The following LAMA5 variants were observed in gnomAD, a reference collection of about 807,000 sequenced individuals.
LAMA5 encodes the protein laminin subunit alpha 5, also known as laminin subunit alpha-5.
A neutral mutation model predicts 433.4 loss-of-function variants in LAMA5; 260 were observed. The ratio of observed to expected loss-of-function variants is 0.60; its 90% CI spans 0.54 to 0.66. The LOEUF (loss-of-function observed/expected upper bound fraction) is 0.66. LAMA5 is among the 30% of genes least tolerant of loss of function. The probability of loss-of-function intolerance (pLI) is 0.00; values close to 1 mark genes in which losing one functional copy is unlikely to be tolerated. For synonymous variants in LAMA5, 2,620 were observed against 2,226.6 expected, an observed-to-expected ratio of 1.18 and a Z score of -4.97; for missense variants, 5,378 against 5,258.5, an observed-to-expected ratio of 1.02 and a Z score of -0.70.
chr20:62,325,301 C>T lies in LAMA5; in HGVS notation c.5529+15G>A, dbSNP rs766110392. On this transcript the variant is annotated intron_variant, in intron 41 of 79. Coordinates refer to ENST00000252999, the MANE Select transcript of LAMA5 (RefSeq NM_005560.6). ...AGGTGAGCCGCCTCGCAGTCTGGTG[C>T]TGTCCTAACCTCACCTGGCATGAGT... 2 of 1,534,594 alleles carry T rather than the reference C, an allele frequency of 1.3e-6. No individual in the cohort carries two copies. The highest frequency in any genetic ancestry group is 1.8e-6 in the Non-Finnish European group (2 of 1,131,422).
At position 62,333,092 on chromosome 20, in the gene LAMA5, C is replaced by T. The variant is rs1200856882; in HGVS notation, c.3280G>A (p.Asp1094Asn). ...CCGTGGGGTCCCAGGACACGCACAT[C>T]ACTGCCCGTGCAGGTGATCAGTGGC... ...HPPLITCTGSDVDVQLQVAVP... is the reference protein window; with the variant it reads ...HPPLITCTGSNVDVQLQVAVP... Residue 1094 changes from aspartate to asparagine, a missense_variant and splice_region_variant, in exon 26 of 80, where the codon GAT becomes AAT. Coordinates refer to ENST00000252999, the MANE Select transcript of LAMA5 (RefSeq NM_005560.6). 2.7e-6 allele frequency: 4 copies of T among 1,503,700 alleles called. No homozygotes were observed. The highest frequency in any genetic ancestry group is 2.4e-4 in the Middle Eastern group (1 of 4,122). The allele number at this position is 1,503,700 out of a possible 1,614,324, so 93.1% of individuals were successfully genotyped here.
At position 62,313,260 on chromosome 20, in the gene LAMA5, G is replaced by T; in HGVS notation, c.8793-10C>A. ...CCCGGTCGACTTGGAGCTGCAGGTC[G>T]GAGATTCTGGGGTCAGCGGAGGGTG... On this transcript the variant is annotated splice_polypyrimidine_tract_variant and intron_variant, in intron 64 of 79. Transcript: ENST00000252999. The T allele has an allele frequency of 7.5e-7, 1 of 1,326,002 alleles. No individual in the cohort carries two copies. Among genetic ancestry groups the T allele is most frequent in the Non-Finnish European group, 9.9e-7 (1 of 1,006,644 alleles). 82.1% of individuals were successfully genotyped at this position (1,326,002 alleles called of 1,614,324 possible). A position where few individuals can be genotyped will look rare whatever the true frequency, so the allele number is the denominator to read the frequency against.
chr20:62,359,183 G>GTCCTCACTCCTCATCTGAGGGAGGCT lies in LAMA5; in HGVS notation c.450+3216_450+3217insAGCCTCCCTCAGATGAGGAGTGAGGA, dbSNP rs1985670703. Among the ~76,000 whole-genome samples, 2 of 152,108 alleles carry GTCCTCACTCCTCATCTGAGGGAGGCT rather than the reference G, an allele frequency of 1.3e-5. No homozygotes were observed. The highest frequency in any genetic ancestry group is 4.8e-5 in the African/African-American group (2 of 41,424). Reference sequence around the variant, plus strand: ...CTCCCTACCGGAAGGGGGCCCGTGCGTCCTCACTCCTCATCTGAGGGAGGC... The same window carrying GTCCTCACTCCTCATCTGAGGGAGGCT: ...CTCCCTACCGGAAGGGGGCCCGTGCGTCCTCACTCCTCATCTGAGGGAGGCTTCCTCACTCCTCATCTGAGGGAGGC... On this transcript the variant is annotated intron_variant, in intron 2 of 79. Transcript: ENST00000252999. This position sits in a 1 kb window ranked among gnomAD's most constrained non-coding sequence, Gnocchi z 4.3.
chr20:62,343,935 G>T (rs1056358645), intron 11 of LAMA5, among the ~76,000 whole-genome samples: 5 of 147,312 alleles, frequency 3.4e-5, no homozygotes, highest in Non-Finnish European at 7.5e-5. Flanking sequence ...ACCTGAGGTT[G>T]GGAGTTCGAG....
intron 6 of LAMA5, among the ~76,000 whole-genome samples, chr20:62,349,212 A>C (rs776261776): frequency 1.5e-5 from 2 of 135,518 alleles, no homozygotes; most frequent in African/African-American, 2.6e-5. Flanking sequence ...CGGAGCTTGC[A>C]GTGAGCCGAG....
At chr20:62,353,610 G>A (rs1322508220) in intron 2 of LAMA5, among the ~76,000 whole-genome samples, 1 of 152,172 alleles carries the variant, frequency 6.6e-6, no homozygotes, top group African/African-American at 2.4e-5. Flanking sequence ...CTGCGGCCCA[G>A]GCAGGGACTG....
rs1256811723 is a variant in LAMA5 at position 62,317,683 on chromosome 20, G to A, written c.7335C>T (p.His2445=). The A allele has an allele frequency of 1.9e-6, 3 of 1,596,218 alleles. No homozygotes were observed. Among genetic ancestry groups the A allele is most frequent in the Middle Eastern group, 1.8e-4 (1 of 5,616 alleles). The change falls in exon 54 of 80, where the codon CAC becomes CAT. Residue 2445 remains histidine, a synonymous_variant. Coordinates refer to ENST00000252999, the MANE Select transcript of LAMA5 (RefSeq NM_005560.6). The part of the protein sequence containing the change: ...DTLASVFRLL[H]SLDQAKEELE... ...TCACCTCCTTAGCCTGGTCCAGGCT[G>A]TGCAGCAATCTGAAGACGCTGGCCA...
Position 62,322,015 on chromosome 20 carries a change from A to G in LAMA5, c.6496+4T>C, listed in dbSNP as rs2274936. The G allele has an allele frequency of 0.9, 1,442,460 of 1,597,138 alleles. 654,228 individuals carry two copies. The highest frequency in any genetic ancestry group is 0.95 in the East Asian group (42,585 of 44,802). ...TGTGGGGAAGTGGGGTGTTGAGGAC[A>G]CACCTTCACAGTGGATGCTGTGGCC... On this transcript the variant is annotated splice_donor_region_variant and intron_variant, in intron 48 of 79. Transcript: ENST00000252999.
At position 62,328,266 on chromosome 20, in the gene LAMA5, A is replaced by C; in HGVS notation, c.4627T>G (p.Cys1543Gly). Residue 1543 changes from cysteine to glycine, a missense_variant, in exon 35 of 80, where the codon TGT becomes GGT. Physicochemically the swap from Cys to Gly is radical, Grantham distance 159 (BLOSUM62 -3). Coordinates refer to ENST00000252999, the MANE Select transcript of LAMA5 (RefSeq NM_005560.6). ...TTGCACTGGCCGCTGTCTGTGTCAC[A>C]GGTAGGGTCTGTGAGCTCCTGGATG... is the stretch of plus-strand genomic sequence containing the variant. ...PGIQELTDPTCDTDSGQCKCR... is the reference protein window; with the variant it reads ...PGIQELTDPTGDTDSGQCKCR... The C allele has an allele frequency of 6.2e-7, 1 of 1,607,846 alleles. No homozygotes were observed. Among genetic ancestry groups the C allele is most frequent in the Non-Finnish European group, 8.5e-7 (1 of 1,177,798 alleles).
chr20:62,356,881 C>T (rs546015589), intron 2 of LAMA5, among the ~76,000 whole-genome samples: 19 of 152,356 alleles, frequency 1.2e-4, no homozygotes, highest in South Asian at 6.2e-4. Context: ...GCAGCCACCC[C>T]GCAGAGACGC....
In LAMA5 at chr20:62,318,519, C is replaced by G; in HGVS notation, c.7174G>C (p.Val2392Leu). ...MDLREALNRA[V>L]DATREAQELN... ...TCCTGGGCCTCCCGTGTGGCGTCCA[C>G]TGCCCGGTTCAAAGCCTCTCGCAGG... Residue 2392 changes from valine to leucine, a missense_variant, in exon 53 of 80, where the codon GTG becomes CTG. Physicochemically the swap from Val to Leu is conservative, Grantham distance 32. Transcript: ENST00000252999. The G allele has an allele frequency of 6.2e-7, 1 of 1,609,598 alleles. No individual in the cohort carries two copies. Among genetic ancestry groups the G allele is most frequent in the East Asian group, 2.2e-5 (1 of 44,770 alleles).
At chr20:62,320,694 C>T in intron 49 of LAMA5, 25 bp from the exon 50 acceptor site, 2 of 1,612,040 alleles carry the variant, frequency 1.2e-6, no homozygotes, top group East Asian at 2.2e-5. Flanking sequence ...AGGTGAAGGC[C>T]TGCACTGGCC....
In LAMA5 at chr20:62,353,169, A is replaced by G. The variant is rs1280266178; in HGVS notation, c.533T>C (p.Phe178Ser). Residue 178 changes from phenylalanine (F) to serine (S), a missense_variant, in exon 3 of 80, where the codon TTC becomes TCC. Phe to Ser is a radical substitution (Grantham distance 155, BLOSUM62 -2). Coordinates refer to ENST00000252999, the MANE Select transcript of LAMA5 (RefSeq NM_005560.6). Reference sequence around the variant, plus strand: ...CTGCCAGGGCTGGTAGGTGCGGCCGAAGTCCATGGACCGCTCCAGCACCCA... The same window carrying G: ...CTGCCAGGGCTGGTAGGTGCGGCCGGAGTCCATGGACCGCTCCAGCACCCA... ...DLWVLERSMD[F>S]GRTYQPWQFF... 1 of 1,581,224 alleles carries G rather than the reference A, an allele frequency of 6.3e-7. No homozygotes were observed. Among genetic ancestry groups the G allele is most frequent in the East Asian group, 2.3e-5 (1 of 43,140 alleles).
In LAMA5 at chr20:62,309,710, A is replaced by G. The variant is rs781726009; in HGVS notation, c.10948+6T>C. ...CTCCCCCACCCTTGATCAAGGCCGC[A>G]CTCACCAGGCAGGCCCCCGAGGTAC... On this transcript the variant is annotated splice_donor_region_variant and intron_variant, in intron 79 of 79. Transcript: ENST00000252999. 9 of 1,571,150 alleles carry G rather than the reference A, an allele frequency of 5.7e-6. No individual in the cohort carries two copies. The Admixed American group carries it at 1.7e-4, about 30-fold the overall frequency.
intron 6 of LAMA5, among the ~76,000 whole-genome samples, chr20:62,348,178 C>T (rs1983659821): frequency 6.6e-6 from 1 of 152,144 alleles, no homozygotes; most frequent in African/African-American, 2.4e-5. Context: ...ACGCCAGAAG[C>T]ACAAAGATAA....
chr20:62,319,674 T>C lies in LAMA5; in HGVS notation c.6871+10A>G. 1 of 1,530,078 alleles carries C rather than the reference T, an allele frequency of 6.5e-7. No homozygotes were observed. The highest frequency in any genetic ancestry group is 8.8e-7 in the Non-Finnish European group (1 of 1,137,360). The allele number at this position is 1,530,078 out of a possible 1,614,324, so 94.8% of individuals were successfully genotyped here. ...CTCTGAGCCCTGAGCCTGGCTGGGC[T>C]GGCCCCTACCGCTCAGGGTGCGGTC... On this transcript the variant is annotated intron_variant, in intron 51 of 79. Transcript: ENST00000252999.
At chr20:62,341,179 C>T (rs1181854310) in intron 11 of LAMA5, among the ~76,000 whole-genome samples, 1 of 152,088 alleles carries the variant, frequency 6.6e-6, no homozygotes, top group Admixed American at 6.5e-5. Flanking sequence ...CCAAGTCTAA[C>T]CACGATGCAG....
intron 2 of LAMA5, among the ~76,000 whole-genome samples, chr20:62,361,393 C>T (rs970843092): frequency 1.3e-5 from 2 of 152,204 alleles, no homozygotes. Flanking sequence ...GGAGCTTGAG[C>T]CCTCCCCTCA....
At chr20:62,352,760 A>G (rs561894159) in intron 3 of LAMA5, among the ~76,000 whole-genome samples, 1 of 152,106 alleles carries the variant, frequency 6.6e-6, no homozygotes, top group African/African-American at 2.4e-5. Flanking sequence ...GGGGCCAGGG[A>G]CGGCCAGCAT....
Sources: allele counts gnomAD v4.1 joint callset (sites outside exome capture counted in the v4.1 genomes callset), GRCh38; gene constraint gnomAD v4.1.1; non-coding constraint Gnocchi (gnomAD v3.1); transcripts MANE v1.5; gene names NCBI Gene and HGNC (gene_info 2026-07-23, HGNC 2026-07-21).